LRRIQ3: variants seen among roughly 807,000 people sequenced by gnomAD.
The protein encoded by LRRIQ3 is leucine rich repeats and IQ motif containing 3.
A neutral mutation model predicts 59.3 loss-of-function variants in LRRIQ3; 75 were observed. The ratio of observed to expected loss-of-function variants is 1.26; its 90% confidence interval spans 1.05 to 1.53. The LOEUF is 1.53. LRRIQ3 is among the 40% of genes most tolerant of loss of function. The probability of loss-of-function intolerance (pLI) is 0.00; values close to 1 mark genes in which losing one functional copy is unlikely to be tolerated. For missense variants in LRRIQ3, 831 were observed against 710.0 expected, an observed-to-expected ratio of 1.17 and a Z score of -1.94; for synonymous variants, 250 against 231.3, an observed-to-expected ratio of 1.08 and a Z score of -0.73.
chr1:74,080,988 T>G (rs1646267815), intron 5 of LRRIQ3, among the ~76,000 whole-genome samples: 1 of 151,380 alleles, frequency 6.6e-6, no homozygotes, highest in South Asian at 2.1e-4. Flanking sequence ...TAAAATGAAG[T>G]TTTACCAGAA....
Position 74,026,788 on chromosome 1 carries a change from T to A in LRRIQ3, c.*25A>T. The A allele has an allele frequency of 2.6e-6, 4 of 1,566,810 alleles. No individual in the cohort carries two copies. The highest frequency in any genetic ancestry group is 3.5e-6 in the Non-Finnish European group (4 of 1,156,232). ...AAATAATGACTATAATTTAAGATGA[T>A]CATAGGATGTGATCTGGCATTGATT... On this transcript the variant is annotated 3_prime_UTR_variant, in exon 8 of 8. Coordinates refer to ENST00000354431, the MANE Select transcript of LRRIQ3 (RefSeq NM_001105659.2).
At chr1:74,195,883 C>T (rs1651083496) in intron 1 of LRRIQ3, among the ~76,000 whole-genome samples, 1 of 152,082 alleles carries the variant, frequency 6.6e-6, no homozygotes, top group African/African-American at 2.4e-5. Flanking sequence ...GTTAAACAGT[C>T]ATATCACACT....
At chr1:74,038,948 A>C (rs1351524188) in intron 7 of LRRIQ3, among the ~76,000 whole-genome samples, 1 of 152,112 alleles carries the variant, frequency 6.6e-6, no homozygotes, top group African/African-American at 2.4e-5. Context: ...CTCTCCAGCA[A>C]GGGTGCAGAA....
At chr1:74,132,701 AC>A (rs1414983377) in intron 4 of LRRIQ3, among the ~76,000 whole-genome samples, 3 of 152,224 alleles carry the variant, frequency 2.0e-5, no homozygotes, top group Non-Finnish European at 4.4e-5. Flanking sequence ...TATACCTTAT[AC>A]AAAAATTAAT....
intron 7 of LRRIQ3, among the ~76,000 whole-genome samples, chr1:74,033,602 C>T (rs1384882): frequency 0.83 from 125,599 of 151,870 alleles, 53,464 homozygotes; most frequent in East Asian, 0.97. Flanking sequence ...AGTTTATTAA[C>T]GTCCGGTAGG....
chr1:74,083,936 T>G, intron 5 of LRRIQ3: 1 of 378,274 alleles, frequency 2.6e-6, no homozygotes, highest in Non-Finnish European at 4.8e-6. Context: ...AATTGTAATG[T>G]TAGCTTTCTT....
chr1:74,168,442 CCAT>C (rs1649126060), intron 3 of LRRIQ3, among the ~76,000 whole-genome samples: 1 of 151,932 alleles, frequency 6.6e-6, no homozygotes, highest in African/African-American at 2.4e-5. Context: ...ACATATTTTT[CCAT>C]CATTTTATTT....
chr1:74,108,084 GCTTGCCACAACAAAATATATA>G (rs1646638855), intron 5 of LRRIQ3, among the ~76,000 whole-genome samples: 1 of 151,460 alleles, frequency 6.6e-6, no homozygotes, highest in African/African-American at 2.4e-5. Context: ...ATATATATTT[GCTTGCCACAACAAAATATATA>G]CACAAAATAT....
At chr1:74,126,205 C>G (rs1266583320) in intron 4 of LRRIQ3, among the ~76,000 whole-genome samples, 7 of 151,728 alleles carry the variant, frequency 4.6e-5, no homozygotes, top group African/African-American at 1.7e-4. Flanking sequence ...GATGTCTCTA[C>G]TATCATCTCT....
chr1:74,149,346 T>G (rs1447985574), intron 4 of LRRIQ3, among the ~76,000 whole-genome samples: 1 of 152,188 alleles, frequency 6.6e-6, no homozygotes, highest in South Asian at 2.1e-4. Flanking sequence ...TGTGTTCAAT[T>G]TTTTAATGTA....
intron 3 of LRRIQ3, chr1:74,181,244 T>C (rs1167926004): frequency 6.5e-6 from 1 of 153,326 alleles, no homozygotes; most frequent in African/African-American, 2.4e-5. Context: ...ATTTTGAACC[T>C]ACAGTAATTG....
intron 4 of LRRIQ3, among the ~76,000 whole-genome samples, chr1:74,123,417 T>C (rs1052754087): frequency 2.6e-5 from 4 of 152,014 alleles, no homozygotes; most frequent in Non-Finnish European, 5.9e-5. Context: ...TAACTGTATT[T>C]TTATGCCCAT....
At chr1:74,033,925 G>T (rs142757106) in intron 7 of LRRIQ3, among the ~76,000 whole-genome samples, 116 of 152,000 alleles carry the variant, frequency 7.6e-4, no homozygotes, top group African/African-American at 2.7e-3. Context: ...CTTTCTCAGA[G>T]TACAGACATG....
intron 4 of LRRIQ3, among the ~76,000 whole-genome samples, chr1:74,147,212 G>A (rs1647631783): frequency 1.3e-5 from 2 of 152,060 alleles, no homozygotes. Context: ...CTGGACTACA[G>A]GTAAGACTCT....
rs529643194 is a variant in LRRIQ3, at chr1:74,050,208, C to T, written c.998-8275G>A. On this transcript the variant is annotated intron_variant, in intron 6 of 7. Transcript: ENST00000354431. Reference sequence around the variant, plus strand: ...AAGTGCTGGGACTACAGGAGTGAGCCACCACACCCACCTTGCATACTTTTT... The same window carrying T: ...AAGTGCTGGGACTACAGGAGTGAGCTACCACACCCACCTTGCATACTTTTT... 2.6e-5 allele frequency among the ~76,000 whole-genome samples: 4 copies of T among 152,228 alleles called. No individual in the cohort carries two copies. In the East Asian group the frequency reaches 7.7e-4, roughly 29 times the overall value.
At chr1:74,102,333 T>C (rs983885927) in intron 5 of LRRIQ3, among the ~76,000 whole-genome samples, 1 of 151,832 alleles carries the variant, frequency 6.6e-6, no homozygotes, top group Admixed American at 6.6e-5. Flanking sequence ...AAACATTTCT[T>C]CAAAGAAGAC....
intron 6 of LRRIQ3, among the ~76,000 whole-genome samples, chr1:74,051,070 C>A (rs1422541130): frequency 6.6e-6 from 1 of 152,194 alleles, no homozygotes; most frequent in Non-Finnish European, 1.5e-5. Flanking sequence ...CAGAGATGCA[C>A]AGGCGTTACC....
chr1:74,031,131 T>C (rs1305968355), intron 7 of LRRIQ3, among the ~76,000 whole-genome samples: 2 of 152,170 alleles, frequency 1.3e-5, no homozygotes, highest in Admixed American at 6.6e-5. Flanking sequence ...GGAGAGGATG[T>C]GGAGAAATAG....
chr1:74,187,300 G>A (rs1325647609), intron 1 of LRRIQ3, among the ~76,000 whole-genome samples: 1 of 150,768 alleles, frequency 6.6e-6, no homozygotes, highest in Non-Finnish European at 1.5e-5. Context: ...ACTAATTAGT[G>A]GATTAAAAAA....
Sources: gnomAD v4.1 joint callset for allele counts (sites outside exome capture counted in the v4.1 genomes callset) on GRCh38, gnomAD v4.1.1 for gene constraint, MANE v1.5 for transcripts, NCBI Gene and HGNC (gene_info 2026-07-23, HGNC 2026-07-21) for gene names.